Variants in GPBP1 observed in about 807,000 individuals in gnomAD.
GPBP1 encodes the protein GC-rich promoter binding protein 1.
A neutral mutation model predicts 56.5 loss-of-function variants in GPBP1; 13 were observed. The ratio of observed to expected loss-of-function variants is 0.23; its 90% confidence interval spans 0.15 to 0.37. GPBP1 has a LOEUF of 0.37. GPBP1 is among the 10% of genes least tolerant of loss of function. The pLI, the probability that GPBP1 is intolerant of heterozygous loss-of-function variation, is 1.00. For synonymous variants in GPBP1, 204 were observed against 188.9 expected (o/e 1.08, Z -0.66); for missense variants, 477 against 572.3 (o/e 0.83, Z 1.70).
chr5:57,222,477 A>T (rs949599127), intron 3 of GPBP1, among the ~76,000 whole-genome samples: 1 of 152,166 alleles, frequency 6.6e-6, no homozygotes, highest in Non-Finnish European at 1.5e-5. Context: ...TGCATACACC[A>T]GAATATATTT....
At chr5:57,251,689 TG>T (rs1276519321) in intron 10 of GPBP1, among the ~76,000 whole-genome samples, 2 of 152,144 alleles carry the variant, frequency 1.3e-5, no homozygotes, top group African/African-American at 4.8e-5. Context: ...TTTTTATTTC[TG>T]TTGGATAGAT....
chr5:57,202,370 G>A (rs564467443), intron 2 of GPBP1, among the ~76,000 whole-genome samples: 8 of 152,176 alleles, frequency 5.3e-5, no homozygotes, highest in Non-Finnish European at 8.8e-5. Flanking sequence ...CTCGCTGCAA[G>A]CTTCACCTCC....
At chr5:57,222,178 G>GCAGT in intron 3 of GPBP1, among the ~76,000 whole-genome samples, 1 of 152,174 alleles carries the variant, frequency 6.6e-6, no homozygotes, top group Admixed American at 6.5e-5. Context: ...AGAAAGAAAG[G>GCAGT]CAGTGTAAGA....
chr5:57,252,996 A>T (rs566184312), intron 10 of GPBP1, among the ~76,000 whole-genome samples: 7 of 152,338 alleles, frequency 4.6e-5, no homozygotes, highest in African/African-American at 1.7e-4. Flanking sequence ...GGTGTGAGCC[A>T]CCACTCCCAG....
chr5:57,202,276 G>A (rs1160364719), intron 2 of GPBP1, among the ~76,000 whole-genome samples: 1 of 150,528 alleles, frequency 6.6e-6, no homozygotes, highest in East Asian at 2.0e-4. Context: ...TGAACCAGTG[G>A]GCCTGGCTCC....
chr5:57,224,629 G>A (rs1756099504), intron 3 of GPBP1, among the ~76,000 whole-genome samples: 1 of 151,974 alleles, frequency 6.6e-6, no homozygotes, highest in Non-Finnish European at 1.5e-5. Context: ...TGTAGAGATG[G>A]GGTCTTGCTA....
At chr5:57,240,476 G>A (rs1489738109) in intron 6 of GPBP1, among the ~76,000 whole-genome samples, 2 of 152,174 alleles carry the variant, frequency 1.3e-5, no homozygotes, top group Admixed American at 6.5e-5. Flanking sequence ...GAGTTGGAAT[G>A]GTAAACATTT....
chr5:57,222,132 T>G (rs987187633), intron 3 of GPBP1, among the ~76,000 whole-genome samples: 1 of 152,150 alleles, frequency 6.6e-6, no homozygotes, highest in African/African-American at 2.4e-5. Flanking sequence ...CTTGAGACAC[T>G]GTACCTGGCC....
At chr5:57,220,069 C>T (rs1755889865) in intron 3 of GPBP1, among the ~76,000 whole-genome samples, 1 of 149,256 alleles carries the variant, frequency 6.7e-6, no homozygotes. Context: ...AAAAAAAAAT[C>T]TGGAAAGATA....
chr5:57,243,827 G>A (rs1272395350), intron 6 of GPBP1, among the ~76,000 whole-genome samples: 1 of 151,734 alleles, frequency 6.6e-6, no homozygotes, highest in Non-Finnish European at 1.5e-5. Flanking sequence ...TAAGACTACA[G>A]GTGCACATCA....
At chr5:57,228,223 A>G (rs1756280474) in intron 3 of GPBP1, among the ~76,000 whole-genome samples, 2 of 152,182 alleles carry the variant, frequency 1.3e-5, no homozygotes, top group Non-Finnish European at 2.9e-5. Flanking sequence ...TTGAGAGCCC[A>G]AGGCGGGCAG....
intron 6 of GPBP1, among the ~76,000 whole-genome samples, chr5:57,242,480 A>G (rs1006674627): frequency 6.6e-6 from 1 of 152,154 alleles, no homozygotes; most frequent in African/African-American, 2.4e-5. Flanking sequence ...TTCTTCTGTA[A>G]TATTTAAATG....
rs1269397177 is a variant in GPBP1 at position 57,230,839 on chromosome 5, G to C, written c.64-7G>C. 6.3e-7 allele frequency: 1 copy of C among 1,597,696 alleles called. No individual in the cohort carries two copies. The highest frequency in any genetic ancestry group is 2.2e-5 in the East Asian group (1 of 44,722). ...ATAAATACCTGTATTTTTATAATTT[G>C]TTTCAGTCGTCATTGAATTTTGAGA... On this transcript the variant is annotated splice_region_variant and splice_polypyrimidine_tract_variant and intron_variant, in intron 3 of 11. Transcript: ENST00000506184.
intron 3 of GPBP1, among the ~76,000 whole-genome samples, chr5:57,225,511 A>AC (rs1756148146): frequency 6.9e-6 from 1 of 145,776 alleles, no homozygotes; most frequent in South Asian, 2.2e-4. Flanking sequence ...AAAAAAAAAA[A>AC]CAAACTGGTA....
chr5:57,219,748 A>T (rs914949855), intron 3 of GPBP1, among the ~76,000 whole-genome samples: 4 of 152,098 alleles, frequency 2.6e-5, no homozygotes, highest in African/African-American at 9.7e-5. Context: ...AACATAAAGC[A>T]CAGTAATAAA....
intron 2 of GPBP1, among the ~76,000 whole-genome samples, chr5:57,197,035 G>GCC (rs1382781120): frequency 1.3e-5 from 2 of 152,142 alleles, no homozygotes; most frequent in Non-Finnish European, 2.9e-5. Flanking sequence ...GCCTGCCTCA[G>GCC]CCTCCCACAG....
intron 7 of GPBP1, 35 bp downstream of exon 7, chr5:57,246,519 G>T: frequency 6.5e-7 from 1 of 1,535,674 alleles, no homozygotes; most frequent in Non-Finnish European, 8.9e-7. Flanking sequence ...TAAATTTTGA[G>T]TTGATAACCA....
At chr5:57,225,297 A>C (rs1756130748) in intron 3 of GPBP1, among the ~76,000 whole-genome samples, 1 of 143,374 alleles carries the variant, frequency 7.0e-6, no homozygotes, top group Non-Finnish European at 1.5e-5. Flanking sequence ...TCTCTACTAA[A>C]ACCTGGCTAA....
intron 8 of GPBP1, 118 bp from the exon 9 acceptor site, chr5:57,249,288 CATT>C (rs1186577322): frequency 5.5e-6 from 4 of 722,024 alleles, no homozygotes; most frequent in African/African-American, 1.8e-5. Context: ...GTAACATAGA[CATT>C]ATAATCAATT....
Sources: allele counts gnomAD v4.1 joint callset (sites outside exome capture counted in the v4.1 genomes callset), GRCh38; gene constraint gnomAD v4.1.1; transcripts MANE v1.5; gene names NCBI Gene and HGNC (gene_info 2026-07-23, HGNC 2026-07-21).